PRKD1: variants seen among roughly 807,000 people sequenced by gnomAD.
PRKD1 encodes the protein serine/threonine-protein kinase D1.
PRKD1 carries 63 observed loss-of-function variants against 95.9 expected under a neutral mutation model. The ratio of observed to expected loss-of-function variants is 0.66; its 90% CI spans 0.54 to 0.81. PRKD1 has a LOEUF of 0.81. PRKD1 is among the 30% of genes least tolerant of loss of function. The pLI, the probability that PRKD1 is intolerant of heterozygous loss-of-function variation, is 0.00. For synonymous variants in PRKD1, 425 were observed against 423.1 expected, an observed-to-expected ratio of 1.00 and a Z score of -0.05; for missense variants, 1,048 against 1,165.3, an observed-to-expected ratio of 0.90 and a Z score of 1.47.
intron 4 of PRKD1, among the ~76,000 whole-genome samples, chr14:29,662,050 GTTTTATTGC>G (rs930767771): frequency 7.6e-4 from 116 of 151,942 alleles, no homozygotes; most frequent in African/African-American, 2.4e-3. Context: ...CTTTAATTTG[GTTTTATTGC>G]TTTTATTGCT....
At chr14:29,682,424 A>T (rs1883589380) in intron 2 of PRKD1, among the ~76,000 whole-genome samples, 1 of 152,216 alleles carries the variant, frequency 6.6e-6, no homozygotes, top group Non-Finnish European at 1.5e-5. Flanking sequence ...TCTCATTAAC[A>T]TAATTTTATT....
intron 1 of PRKD1, among the ~76,000 whole-genome samples, chr14:29,796,299 G>T (rs903907291): frequency 2.6e-5 from 4 of 152,014 alleles, no homozygotes; most frequent in Non-Finnish European, 5.9e-5. Context: ...CTGGAATTTG[G>T]AAATTGGTAC....
intron 16 of PRKD1, among the ~76,000 whole-genome samples, chr14:29,591,529 G>A (rs1394120498): frequency 2.0e-5 from 3 of 152,048 alleles, no homozygotes; most frequent in Admixed American, 6.6e-5. Flanking sequence ...GCAGTTTAAG[G>A]GGGTAGAGCC....
intron 1 of PRKD1, among the ~76,000 whole-genome samples, chr14:29,902,296 C>G (rs1329005950): frequency 6.6e-6 from 1 of 151,628 alleles, no homozygotes; most frequent in African/African-American, 2.4e-5. Context: ...TATCAATTTT[C>G]ATGGTCAAAA....
chr14:29,747,028 G>A (rs1249350916), intron 1 of PRKD1, among the ~76,000 whole-genome samples: 2 of 151,952 alleles, frequency 1.3e-5, no homozygotes, highest in Admixed American at 6.6e-5. Flanking sequence ...TAATTTCAAC[G>A]TAAGTAGCTT....
rs45491396 is a variant in PRKD1 at position 29,641,400 on chromosome 14, T to A, written c.697-2496A>T. 6.2e-3 allele frequency among the ~76,000 whole-genome samples: 941 copies of A among 152,248 alleles called. 6 individuals are homozygous for A. Among genetic ancestry groups the A allele is most frequent in the Non-Finnish European group, 7.1e-3 (480 of 67,994 alleles). ...TTTCAATATGGCCCATATTTCTAAA[T>A]GAAAAAGTAAAGCTTTACAATCTTG... On this transcript the variant is annotated intron_variant, in intron 4 of 17. Coordinates refer to ENST00000331968, the MANE Select transcript of PRKD1 (RefSeq NM_002742.3).
At chr14:29,879,288 G>A (rs144971265) in intron 1 of PRKD1, among the ~76,000 whole-genome samples, 2,122 of 152,316 alleles carry the variant, frequency 0.014, 26 homozygotes, top group Middle Eastern at 0.051. Flanking sequence ...GAGGGACCGC[G>A]GTGGGGCGCG....
chr14:29,790,641 G>C (rs1442420599), intron 1 of PRKD1, among the ~76,000 whole-genome samples: 3 of 152,024 alleles, frequency 2.0e-5, no homozygotes, highest in Admixed American at 2.0e-4. Flanking sequence ...AGCTTATAAT[G>C]ATCTCTAAAC....
intron 1 of PRKD1, among the ~76,000 whole-genome samples, chr14:29,911,136 T>C (rs1354507015): frequency 1.3e-5 from 2 of 151,610 alleles, no homozygotes; most frequent in Non-Finnish European, 2.9e-5. Context: ...TTGCAATACT[T>C]ATGTTTAATT....
At chr14:29,631,763 T>C (rs1422968820) in intron 9 of PRKD1, among the ~76,000 whole-genome samples, 2 of 151,990 alleles carry the variant, frequency 1.3e-5, no homozygotes, top group African/African-American at 4.8e-5. Flanking sequence ...CCCAAAGTCC[T>C]GGGATTACAA....
intron 13 of PRKD1, among the ~76,000 whole-genome samples, chr14:29,602,639 G>A (rs976912013): frequency 9.9e-5 from 15 of 151,974 alleles, no homozygotes; most frequent in Non-Finnish European, 2.1e-4. Flanking sequence ...ATGTTGGTCA[G>A]GATGGTGTCT....
intron 13 of PRKD1, among the ~76,000 whole-genome samples, chr14:29,606,364 T>A (rs528753583): frequency 5.3e-5 from 8 of 152,180 alleles, no homozygotes; most frequent in Non-Finnish European, 2.9e-5. Flanking sequence ...TTCTCAGAGA[T>A]GCCACTACTG....
chr14:29,885,124 T>TTTAAAAAAA (rs1232960518), intron 1 of PRKD1, among the ~76,000 whole-genome samples: 8 of 131,074 alleles, frequency 6.1e-5, no homozygotes, highest in African/African-American at 2.3e-4. Context: ...CTCCATCTTT[T>TTTAAAAAAA]AAAAAAAAAA....
chr14:29,700,639 T>C (rs1884778609), intron 2 of PRKD1, among the ~76,000 whole-genome samples: 1 of 152,212 alleles, frequency 6.6e-6, no homozygotes, highest in Non-Finnish European at 1.5e-5. Context: ...TCCAGATATC[T>C]GGTCAAACAT....
At position 29,619,298 on chromosome 14, in the gene PRKD1, A is replaced by G. The variant is rs140294433; in HGVS notation, c.1905+4854T>C. ...ATAATAAATATAAAATGACACAATG[A>G]GGGTTTTTGCAGAGCAAACACACAT... On this transcript the variant is annotated intron_variant, in intron 13 of 17. Transcript: ENST00000331968. Among the ~76,000 whole-genome samples, 16 of 152,274 alleles carry G rather than the reference A, an allele frequency of 1.1e-4. No homozygotes were observed. The East Asian group carries it at 3.1e-3, about 29-fold the overall frequency.
intron 1 of PRKD1, among the ~76,000 whole-genome samples, chr14:29,808,438 C>T (rs1178474032): frequency 1.1e-5 from 1 of 94,336 alleles, no homozygotes; most frequent in Non-Finnish European, 1.9e-5. Context: ...TTGCTCTTGT[C>T]GCCCAGGTTG....
intron 4 of PRKD1, among the ~76,000 whole-genome samples, chr14:29,653,329 C>T (rs1881628133): frequency 6.6e-6 from 1 of 152,068 alleles, no homozygotes; most frequent in Non-Finnish European, 1.5e-5. Flanking sequence ...AAAGATTAGG[C>T]TAGAAGCATT....
intron 1 of PRKD1, among the ~76,000 whole-genome samples, chr14:29,725,962 C>T (rs1472767395): frequency 6.6e-6 from 1 of 152,016 alleles, no homozygotes; most frequent in Non-Finnish European, 1.5e-5. Flanking sequence ...TAAGTTCTGG[C>T]AGTAAAGTGG....
At chr14:29,915,206 C>A (rs1009414868) in intron 1 of PRKD1, among the ~76,000 whole-genome samples, 1 of 152,146 alleles carries the variant, frequency 6.6e-6, no homozygotes, top group African/African-American at 2.4e-5. Flanking sequence ...CACTTGGTGG[C>A]CACATCTTAT....
Sources: gnomAD v4.1 joint callset for allele counts (sites outside exome capture counted in the v4.1 genomes callset) on GRCh38, gnomAD v4.1.1 for gene constraint, MANE v1.5 for transcripts, NCBI Gene and HGNC (gene_info 2026-07-23, HGNC 2026-07-21) for gene names.